Variants in PRMT8 observed in about 807,000 individuals in gnomAD.
PRMT8 encodes protein arginine methyltransferase 8.
A neutral mutation model predicts 47.1 loss-of-function variants in PRMT8; 7 were observed. That is an observed-to-expected ratio of 0.15 (90% CI 0.08 to 0.28). PRMT8 has a LOEUF of 0.28. PRMT8 is among the 10% of genes least tolerant of loss of function. The probability of loss-of-function intolerance (pLI) is 1.00; values close to 1 mark genes in which losing one functional copy is unlikely to be tolerated. For missense variants in PRMT8, 237 were observed against 505.4 expected (o/e 0.47, Z 5.09); for synonymous variants, 188 against 186.5 (o/e 1.01, Z -0.07).
rs1009615104 is a variant in PRMT8, at chr12:3,566,135, A to G, written c.482-2571A>G. ...CATTAAAGACAATTTTTAAGTTTAC[A>G]AAACTAAGGCAAGCCAGGCTTTGCA... On this transcript the variant is annotated intron_variant, in intron 4 of 9. Coordinates refer to ENST00000382622, the MANE Select transcript of PRMT8 (RefSeq NM_019854.5). The surrounding 1 kb of genome is among the most constrained non-coding windows in gnomAD (Gnocchi z 4.7). Among the ~76,000 whole-genome samples the G allele has an allele frequency of 5.3e-5, 8 of 152,274 alleles. No homozygotes were observed. Among genetic ancestry groups the G allele is most frequent in the African/African-American group, 1.7e-4 (7 of 41,476 alleles).
At chr12:3,433,943 A>G (rs1320329262) in intron 1 of PRMT8, among the ~76,000 whole-genome samples, 6 of 152,216 alleles carry the variant, frequency 3.9e-5, no homozygotes, top group Admixed American at 2.6e-4. Flanking sequence ...TTGCATGAAA[A>G]AGTGAGATGC....
intron 4 of PRMT8, among the ~76,000 whole-genome samples, chr12:3,559,373 C>T (rs960565361): frequency 3.9e-5 from 6 of 152,250 alleles, no homozygotes; most frequent in East Asian, 1.9e-4. Context: ...AAACTAAGGT[C>T]GGGGCTAGAT....
At chr12:3,447,541 G>A (rs1249038154) in intron 1 of PRMT8, among the ~76,000 whole-genome samples, 3 of 151,984 alleles carry the variant, frequency 2.0e-5, no homozygotes, top group Non-Finnish European at 2.9e-5. Context: ...CCTTCAAGAC[G>A]CAGCACAGAC....
chr12:3,418,626 C>T (rs538205220), intron 1 of PRMT8, among the ~76,000 whole-genome samples: 2 of 152,286 alleles, frequency 1.3e-5, no homozygotes, highest in Admixed American at 6.5e-5. Flanking sequence ...TGTGTGGAGG[C>T]GGGGATTACT....
intron 1 of PRMT8, among the ~76,000 whole-genome samples, chr12:3,494,985 C>T (rs1320311195): frequency 6.6e-6 from 1 of 152,226 alleles, no homozygotes; most frequent in East Asian, 1.9e-4. Context: ...CTATGCTTCT[C>T]TTCCTCGGCT....
intron 1 of PRMT8, among the ~76,000 whole-genome samples, chr12:3,478,743 G>A (rs1865243209): frequency 6.6e-6 from 1 of 152,194 alleles, no homozygotes; most frequent in African/African-American, 2.4e-5. Context: ...AAATATTAGG[G>A]TCTCTCTCCA....
chr12:3,448,586 A>G (rs1007497841), intron 1 of PRMT8, among the ~76,000 whole-genome samples: 1 of 152,180 alleles, frequency 6.6e-6, no homozygotes, highest in Non-Finnish European at 1.5e-5. Flanking sequence ...GGTGAGCAGC[A>G]TCACTGGCCT....
chr12:3,452,895 T>C (rs1864936009), intron 1 of PRMT8, among the ~76,000 whole-genome samples: 1 of 151,686 alleles, frequency 6.6e-6, no homozygotes, highest in Non-Finnish European at 1.5e-5. Context: ...TAAGGGCGAG[T>C]GGGGTGGTGA....
At chr12:3,465,281 AAT>A (rs568541997) in intron 1 of PRMT8, among the ~76,000 whole-genome samples, 1 of 112,516 alleles carries the variant, frequency 8.9e-6, no homozygotes, top group African/African-American at 2.7e-5. Flanking sequence ...AAAAATAAAA[AAT>A]ATATAATATA....
rs1349641620 is a variant in PRMT8 at position 3,381,536 on chromosome 12, T to A, written c.48+94T>A. On this transcript the variant is annotated intron_variant, in intron 1 of 9. Transcript: ENST00000452611. ...GACCCCGTGTGGGCTGTTGGCTTTT[T>A]TCCTCTTTGTCATCTGCAGAGCCTG... 6.4e-6 allele frequency: 8 copies of A among 1,250,182 alleles called. No individual in the cohort carries two copies. The East Asian group carries it at 1.5e-4, about 24-fold the overall frequency. 77.4% of individuals were successfully genotyped at this position (1,250,182 alleles called of 1,614,324 possible).
chr12:3,482,533 T>C (rs1196375668), intron 1 of PRMT8, among the ~76,000 whole-genome samples: 1 of 152,208 alleles, frequency 6.6e-6, no homozygotes, highest in African/African-American at 2.4e-5. Flanking sequence ...GTGTGCAAGC[T>C]GGAGTGACAG....
intron 1 of PRMT8, among the ~76,000 whole-genome samples, chr12:3,495,203 A>G (rs971734095): frequency 6.6e-6 from 1 of 152,120 alleles, no homozygotes; most frequent in Non-Finnish European, 1.5e-5. Flanking sequence ...TTCTCTAATC[A>G]AGCCTCATAA....
At chr12:3,438,221 C>G (rs1864764188) in intron 1 of PRMT8, among the ~76,000 whole-genome samples, 1 of 152,130 alleles carries the variant, frequency 6.6e-6, no homozygotes, top group East Asian at 1.9e-4. Flanking sequence ...GGAGGCTGCT[C>G]TGGTGGAGAG....
At position 3,514,734 on chromosome 12, in the gene PRMT8, G is replaced by A. The variant is rs1865763184; in HGVS notation, c.75+23034G>A. 6.6e-6 allele frequency among the ~76,000 whole-genome samples: 1 copy of A among 152,078 alleles called. No homozygotes were observed. Among genetic ancestry groups the A allele is most frequent in the Admixed American group, 6.5e-5 (1 of 15,284 alleles). On this transcript the variant is annotated intron_variant, in intron 1 of 9. Coordinates refer to ENST00000382622, the MANE Select transcript of PRMT8 (RefSeq NM_019854.5). The surrounding 1 kb of genome is among the most constrained non-coding windows in gnomAD (Gnocchi z 5.9). The stretch of plus-strand genomic sequence containing the variant: ...CACCAGTGGGAGGGTGGGGGAGGGA[G>A]GGGCATTGATTCCCTCGGCCCCTCC...
intron 1 of PRMT8, among the ~76,000 whole-genome samples, chr12:3,441,095 G>T (rs1456211289): frequency 6.6e-6 from 1 of 152,122 alleles, no homozygotes; most frequent in East Asian, 1.9e-4. Context: ...TATTTGAATT[G>T]ATGTATCTCA....
intron 1 of PRMT8, among the ~76,000 whole-genome samples, chr12:3,532,088 C>G (rs534968654): frequency 6.6e-6 from 1 of 151,924 alleles, no homozygotes; most frequent in Admixed American, 6.6e-5. Context: ...CAGCGACGGC[C>G]GACATGGATT....
chr12:3,457,736 C>T (rs550462801), intron 1 of PRMT8, among the ~76,000 whole-genome samples: 10 of 151,076 alleles, frequency 6.6e-5, no homozygotes, highest in Admixed American at 2.0e-4. Context: ...ACCATTATAG[C>T]GAAGAATAAT....
chr12:3,413,990 G>A (rs1403348056), intron 1 of PRMT8, among the ~76,000 whole-genome samples: 1 of 152,102 alleles, frequency 6.6e-6, no homozygotes, highest in African/African-American at 2.4e-5. Flanking sequence ...GATACAGAGG[G>A]ATGACTGATT....
chr12:3,430,096 G>A (rs1864658459), intron 1 of PRMT8, among the ~76,000 whole-genome samples: 1 of 152,218 alleles, frequency 6.6e-6, no homozygotes, highest in Admixed American at 6.5e-5. Context: ...TGAGTGAGCA[G>A]TTCCTGTCCC....
Sources: gnomAD v4.1 joint callset for allele counts (sites outside exome capture counted in the v4.1 genomes callset) on GRCh38, gnomAD v4.1.1 for gene constraint, Gnocchi (gnomAD v3.1) non-coding constraint, MANE v1.5 for transcripts, NCBI Gene and HGNC (gene_info 2026-07-23, HGNC 2026-07-21) for gene names.